Variants in GABRB1 observed in about 807,000 individuals in gnomAD.
GABRB1 encodes gamma-aminobutyric acid receptor subunit beta-1.
A neutral mutation model predicts 51.6 loss-of-function variants in GABRB1; 17 were observed. That is an observed-to-expected ratio of 0.33 (90% CI 0.23 to 0.49). The LOEUF (loss-of-function observed/expected upper bound fraction) is 0.49. Ranked by LOEUF, GABRB1 falls within the 20% of genes least tolerant of loss-of-function variation. The pLI is 0.99. For synonymous variants in GABRB1, 247 were observed against 218.9 expected (o/e 1.13, Z -1.14); for missense variants, 410 against 600.6 (o/e 0.68, Z 3.32).
intron 4 of GABRB1, among the ~76,000 whole-genome samples, chr4:47,217,991 G>A (rs560109131): frequency 3.3e-5 from 5 of 151,364 alleles, no homozygotes; most frequent in South Asian, 4.2e-4. Flanking sequence ...CTCCCTCCCC[G>A]CTCATCCCTT....
At chr4:47,033,084 C>T in intron 3 of GABRB1, 1 of 207,064 alleles carries the variant, frequency 4.8e-6, no homozygotes, top group South Asian at 8.4e-5. Context: ...GTATTGTTCT[C>T]TTGCGGGAGG....
intron 8 of GABRB1, among the ~76,000 whole-genome samples, chr4:47,417,631 T>A (rs1344934859): frequency 6.6e-6 from 1 of 152,224 alleles, no homozygotes; most frequent in Non-Finnish European, 1.5e-5. Flanking sequence ...TTCGCACTAG[T>A]TGGCTTCATT....
At chr4:47,123,556 ATTATAATATATTACATTATTTCATATAT>A (rs1715915760) in intron 3 of GABRB1, among the ~76,000 whole-genome samples, 1 of 65,602 alleles carries the variant, frequency 1.5e-5, no homozygotes, top group African/African-American at 6.3e-5. Context: ...TATATTATAT[ATTATAATATATTACATTATTTCATATAT>A]TATAATATAT....
intron 4 of GABRB1, among the ~76,000 whole-genome samples, chr4:47,184,384 G>C (rs73815404): frequency 0.019 from 2,956 of 151,982 alleles, 111 homozygotes; most frequent in African/African-American, 0.067. Flanking sequence ...TTTCTAACAT[G>C]TAATATTGTG....
At chr4:47,057,224 C>A (rs1286099805) in intron 3 of GABRB1, among the ~76,000 whole-genome samples, 1 of 152,140 alleles carries the variant, frequency 6.6e-6, no homozygotes, top group South Asian at 2.1e-4. Flanking sequence ...GGAATCTAGA[C>A]CTCTCTCATT....
intron 3 of GABRB1, among the ~76,000 whole-genome samples, chr4:47,089,591 T>C (rs2109583327): frequency 6.6e-6 from 1 of 152,220 alleles, no homozygotes; most frequent in South Asian, 2.1e-4. Context: ...TAAATAGGAG[T>C]TCTGAAGCAC....
intron 3 of GABRB1, among the ~76,000 whole-genome samples, chr4:47,040,101 T>C (rs747087641): frequency 2.0e-5 from 3 of 152,196 alleles, no homozygotes; most frequent in Admixed American, 6.5e-5. Context: ...CTTACATGTA[T>C]GTGTCCTCCA....
chr4:47,076,269 CA>C (rs1326671918), intron 3 of GABRB1, among the ~76,000 whole-genome samples: 1 of 152,180 alleles, frequency 6.6e-6, no homozygotes, highest in African/African-American at 2.4e-5. Flanking sequence ...ATCTTGCTCT[CA>C]AAAAGCTCTT....
At chr4:47,187,835 C>G (rs1719251422) in intron 4 of GABRB1, among the ~76,000 whole-genome samples, 1 of 151,866 alleles carries the variant, frequency 6.6e-6, no homozygotes, top group African/African-American at 2.4e-5. Context: ...TTCATACATG[C>G]CAAGTGGACT....
chr4:47,308,625 G>A (rs1167634418), intron 4 of GABRB1, among the ~76,000 whole-genome samples: 1 of 152,026 alleles, frequency 6.6e-6, no homozygotes, highest in African/African-American at 2.4e-5. Flanking sequence ...CTTTGTTCTA[G>A]GAAAGAGAAT....
At chr4:47,037,577 G>A (rs1319835374) in intron 3 of GABRB1, among the ~76,000 whole-genome samples, 1 of 143,654 alleles carries the variant, frequency 7.0e-6, no homozygotes, top group Non-Finnish European at 1.5e-5. Context: ...TTTACTCTAA[G>A]CCACATTAAA....
At chr4:47,200,444 G>T (rs774678914) in intron 4 of GABRB1, among the ~76,000 whole-genome samples, 10 of 152,096 alleles carry the variant, frequency 6.6e-5, no homozygotes, top group Non-Finnish European at 1.3e-4. Context: ...TTAAGGAAGG[G>T]TTTATCAATA....
intron 3 of GABRB1, among the ~76,000 whole-genome samples, chr4:47,125,595 G>A (rs1258929585): frequency 1.6e-5 from 1 of 64,438 alleles, no homozygotes; most frequent in East Asian, 3.2e-4. Context: ...TCGCTCTGTC[G>A]CCCAGGCTGG....
intron 3 of GABRB1, among the ~76,000 whole-genome samples, chr4:47,045,192 T>C (rs1378743253): frequency 1.3e-5 from 2 of 152,042 alleles, no homozygotes; most frequent in Non-Finnish European, 2.9e-5. Flanking sequence ...AGAATGAAAA[T>C]GGGCACTATT....
chr4:47,247,652 A>T (rs1688076501), intron 4 of GABRB1, among the ~76,000 whole-genome samples: 1 of 151,958 alleles, frequency 6.6e-6, no homozygotes, highest in Non-Finnish European at 1.5e-5. Context: ...CCCAACCATG[A>T]GCATGGGATG....
At chr4:47,024,207 T>G (rs1725016073) in intron 1 of GABRB1, among the ~76,000 whole-genome samples, 1 of 152,022 alleles carries the variant, frequency 6.6e-6, no homozygotes, top group South Asian at 2.1e-4. Flanking sequence ...ATACTTGTTT[T>G]AAAGTAGTTT....
rs182336678 is a variant in GABRB1 at position 47,017,211 on chromosome 4, T to G, written c.-19-14703T>G. On this transcript the variant is annotated intron_variant, in intron 1 of 3. Coordinates refer to the GABRB1 transcript ENST00000513567. ...CGTTTATGAAAGTGTTGAGTCACAT[T>G]TTTTAATTCCCTGCTTGTGTTAACA... Among the ~76,000 whole-genome samples, 8 of 152,314 alleles carry G rather than the reference T, an allele frequency of 5.3e-5. No homozygotes were observed. In the East Asian group the frequency reaches 1.4e-3, roughly 26 times the overall value.
chr4:47,206,069 G>A (rs992667935), intron 4 of GABRB1, among the ~76,000 whole-genome samples: 1 of 150,412 alleles, frequency 6.6e-6, no homozygotes, highest in African/African-American at 2.5e-5. Context: ...AAAAAAAATA[G>A]CACTGAATAT....
chr4:47,281,796 AT>A (rs1351329242), intron 4 of GABRB1, among the ~76,000 whole-genome samples: 1 of 152,206 alleles, frequency 6.6e-6, no homozygotes, highest in Non-Finnish European at 1.5e-5. Context: ...AGAAAGACAA[AT>A]ACTATGTGAT....
Sources: allele counts gnomAD v4.1 joint callset (sites outside exome capture counted in the v4.1 genomes callset), GRCh38; gene constraint gnomAD v4.1.1; transcripts MANE v1.5; gene names NCBI Gene and HGNC (gene_info 2026-07-23, HGNC 2026-07-21).